Variants in PRH1 observed in about 807,000 individuals in gnomAD.
PRH1 encodes the protein salivary acidic proline-rich phosphoprotein 1/2.
In PRH1, 7 loss-of-function variants were observed where a neutral mutation model predicts 7.9. The ratio of observed to expected loss-of-function variants is 0.89; its 90% CI spans 0.50 to 1.67. The LOEUF is 1.67. PRH1 is among the 40% of genes most tolerant of loss of function. PRH1 has a pLI of 0.00. For synonymous variants in PRH1, 45 were observed against 80.8 expected, an observed-to-expected ratio of 0.56 and a Z score of 2.38; for missense variants, 109 against 223.6, an observed-to-expected ratio of 0.49 and a Z score of 3.27.
chr12:11,072,256 G>A (rs74753335), intron 1 of PRH1, among the ~76,000 whole-genome samples: 1 of 151,278 alleles, frequency 6.6e-6, no homozygotes, highest in African/African-American at 2.4e-5. Flanking sequence ...CAAAGTTCCG[G>A]GATTGCAAGC....
intron 1 of PRH1, chr12:11,006,413 C>T (rs1486439243): frequency 1.4e-5 from 2 of 147,452 alleles, no homozygotes; most frequent in East Asian, 4.0e-4. Context: ...CTTGCTCTCT[C>T]ACCCAAGCTG....
chr12:11,060,645 A>G (rs1295399426), intron 1 of PRH1, among the ~76,000 whole-genome samples: 1 of 151,190 alleles, frequency 6.6e-6, no homozygotes, highest in African/African-American at 2.4e-5. Context: ...CTATTATAGA[A>G]GAGATTGTTT....
intron 1 of PRH1, among the ~76,000 whole-genome samples, chr12:11,009,816 TA>T (rs1940987832): frequency 6.6e-6 from 1 of 151,896 alleles, no homozygotes; most frequent in South Asian, 2.1e-4. Flanking sequence ...TTCCAATAAA[TA>T]AAAAATAGTC....
At chr12:11,112,871 C>T (rs1018102250) in intron 1 of PRH1, among the ~76,000 whole-genome samples, 2 of 152,150 alleles carry the variant, frequency 1.3e-5, no homozygotes, top group African/African-American at 2.4e-5. Context: ...TCTCTGTTTG[C>T]AGATGACAGG....
At chr12:10,999,924 C>A (rs1204455761) in intron 1 of PRH1, among the ~76,000 whole-genome samples, 2 of 152,068 alleles carry the variant, frequency 1.3e-5, no homozygotes, top group Non-Finnish European at 2.9e-5. Flanking sequence ...CCTCTATATA[C>A]TGTTCCACTG....
At position 10,915,659 on chromosome 12, in the gene PRH1, C is replaced by T. The variant is rs1319444111; in HGVS notation, c.-58-31384G>A. Among the ~76,000 whole-genome samples the T allele has an allele frequency of 4.4e-5, 2 of 45,364 alleles. 1 individual carries two copies. The highest frequency in any genetic ancestry group is 7.6e-5 in the African/African-American group (2 of 26,456). The allele number at this position is 45,364 out of a possible 152,430, so 29.8% of individuals were successfully genotyped here. On this transcript the variant is annotated intron_variant, in intron 2 of 3. Coordinates refer to the PRH1 transcript ENST00000539853. ...ATTTACAAAAGTAAGCAAAAATTAA[C>T]TTGAGCTATTTTTTATAAATGCCTA...
intron 1 of PRH1, among the ~76,000 whole-genome samples, chr12:11,127,203 G>A (rs1367998310): frequency 1.3e-5 from 2 of 152,288 alleles, no homozygotes; most frequent in Non-Finnish European, 2.9e-5. Context: ...CTATATGCTT[G>A]TTATAAGATA....
At chr12:11,123,057 G>A (rs1434143337) in intron 1 of PRH1, among the ~76,000 whole-genome samples, 1 of 151,982 alleles carries the variant, frequency 6.6e-6, no homozygotes, top group Non-Finnish European at 1.5e-5. Flanking sequence ...GCTTCGTTTG[G>A]TCTGCTTTGA....
chr12:11,106,374 G>T (rs1367251323), intron 1 of PRH1, among the ~76,000 whole-genome samples: 1 of 151,984 alleles, frequency 6.6e-6, no homozygotes, highest in Non-Finnish European at 1.5e-5. Context: ...ACATCATCCA[G>T]GTAAAAATAG....
intron 1 of PRH1, among the ~76,000 whole-genome samples, chr12:11,055,447 T>C (rs1443431594): frequency 6.6e-6 from 1 of 152,298 alleles, no homozygotes; most frequent in Non-Finnish European, 1.5e-5. Context: ...GATTTCTGAT[T>C]GTGCAGTAAT....
rs116329310 is a variant in PRH1 at position 11,073,710 on chromosome 12, C to T, written n.124-26522G>A. The stretch of plus-strand genomic sequence containing the variant: ...AAGATATCTCTACAGCAGGTATAGG[C>T]TGTGGCCCAACCTGCTCTGCCCATT... On this transcript the variant is annotated intron_variant and non_coding_transcript_variant, in intron 1 of 4. Coordinates refer to the PRH1 transcript ENST00000541977. 6.1e-3 allele frequency among the ~76,000 whole-genome samples: 933 copies of T among 152,084 alleles called. 10 individuals are homozygous for T. The highest frequency in any genetic ancestry group is 0.021 in the African/African-American group (875 of 41,464).
chr12:11,020,940 AC>A (rs1440561666), intron 1 of PRH1, among the ~76,000 whole-genome samples: 4 of 149,056 alleles, frequency 2.7e-5, no homozygotes, highest in African/African-American at 9.8e-5. Context: ...TTTTCTAACT[AC>A]AGATAAAAAA....
chr12:11,082,946 A>G lies in PRH1; in HGVS notation n.124-35758T>C, dbSNP rs577062977. On this transcript the variant is annotated intron_variant and non_coding_transcript_variant, in intron 1 of 4. Coordinates refer to the PRH1 transcript ENST00000541977. ...GTCACAAAATCTGGGTGATTTTATT[A>G]TAGCAGTCAAAGTAGTTACACTACA... is the stretch of plus-strand genomic sequence containing the variant. Among the ~76,000 whole-genome samples the G allele has an allele frequency of 1.5e-3, 171 of 117,010 alleles. 40 individuals are homozygous for G. The highest frequency in any genetic ancestry group is 4.7e-3 in the African/African-American group (166 of 35,008). 76.8% of individuals were successfully genotyped at this position (117,010 alleles called of 152,430 possible). A position where few individuals can be genotyped will look rare whatever the true frequency, so the allele number is the denominator to read the frequency against.
At chr12:10,980,666 C>A (rs949358210) in intron 1 of PRH1, among the ~76,000 whole-genome samples, 19 of 152,082 alleles carry the variant, frequency 1.2e-4, no homozygotes, top group Non-Finnish European at 2.5e-4. Flanking sequence ...AGATCACCAA[C>A]AAAACAAGCC....
At chr12:11,011,685 C>T (rs1941075092) in intron 1 of PRH1, among the ~76,000 whole-genome samples, 1 of 152,084 alleles carries the variant, frequency 6.6e-6, no homozygotes, top group Admixed American at 6.6e-5. Context: ...TTTTCAATGT[C>T]AGATTTATGT....
At chr12:11,078,997 T>A (rs1944407761) in intron 1 of PRH1, 1 of 144,874 alleles carries the variant, frequency 6.9e-6, no homozygotes, top group Admixed American at 7.0e-5. Context: ...TTCCAGGAGG[T>A]CATCCAGGTG....
chr12:10,898,619 A>G (rs1949681987), intron 2 of PRH1, among the ~76,000 whole-genome samples: 1 of 152,222 alleles, frequency 6.6e-6, no homozygotes, highest in Non-Finnish European at 1.5e-5. Context: ...AATAAAATAT[A>G]TATCATACAG....
chr12:10,885,716 C>T (rs1949481787), upstream of PRH1, among the ~76,000 whole-genome samples: 1 of 152,200 alleles, frequency 6.6e-6, no homozygotes, highest in African/African-American at 2.4e-5. Flanking sequence ...CTGCACTTTC[C>T]ATTTCAGACC....
chr12:10,884,418 G>C (rs1469083495), upstream of PRH1: 3 of 629,094 alleles, frequency 4.8e-6, no homozygotes, highest in Non-Finnish European at 8.5e-6. Flanking sequence ...AGCAGGAAGG[G>C]TTGGGTAGGA....
Sources: gnomAD v4.1 joint callset for allele counts (sites outside exome capture counted in the v4.1 genomes callset) on GRCh38, gnomAD v4.1.1 for gene constraint, MANE v1.5 for transcripts, NCBI Gene and HGNC (gene_info 2026-07-23, HGNC 2026-07-21) for gene names.